CEP135: variants seen among roughly 807,000 people sequenced by gnomAD.
CEP135 encodes the protein centrosomal protein of 135 kDa.
In CEP135, 142 loss-of-function variants were observed where a neutral mutation model predicts 157.3. That is an observed-to-expected ratio of 0.90 (90% CI 0.79 to 1.04). The LOEUF (loss-of-function observed/expected upper bound fraction) is 1.04, where lower values mean the gene tolerates loss of function less well. Ranked by LOEUF, CEP135 falls within the 50% of genes least tolerant of loss-of-function variation. CEP135 has a pLI of 0.00. For synonymous variants in CEP135, 396 were observed against 439.8 expected, an observed-to-expected ratio of 0.90 and a Z score of 1.25; for missense variants, 1,317 against 1,309.2, an observed-to-expected ratio of 1.01 and a Z score of -0.09.
chr4:55,956,514 T>A (rs1386735040), intron 4 of CEP135, among the ~76,000 whole-genome samples: 1 of 152,166 alleles, frequency 6.6e-6, no homozygotes, highest in Non-Finnish European at 1.5e-5. Context: ...TCTTTTATGT[T>A]GATATTAGCT....
In CEP135 at chr4:56,027,817, G is replaced by A. The variant is rs1018397500; in HGVS notation, c.*11+3203G>A. 1.1e-4 allele frequency among the ~76,000 whole-genome samples: 16 copies of A among 151,960 alleles called. 1 individual carries two copies. Among genetic ancestry groups the A allele is most frequent in the Admixed American group, 8.5e-4 (13 of 15,236 alleles). ...CAATCCTCCCGCCTCAGCCTCCTGA[G>A]TAGCTGGGACTACAGGCACGCCACC... On this transcript the variant is annotated intron_variant, in intron 25 of 25. Coordinates refer to ENST00000257287, the MANE Select transcript of CEP135 (RefSeq NM_025009.5).
At chr4:55,981,963 G>A (rs1463734130) in intron 13 of CEP135, among the ~76,000 whole-genome samples, 1 of 152,058 alleles carries the variant, frequency 6.6e-6, no homozygotes, top group Non-Finnish European at 1.5e-5. Context: ...TTATACTGGG[G>A]TTACCTCCTG....
intron 5 of CEP135, among the ~76,000 whole-genome samples, chr4:55,957,979 C>G (rs2109645739): frequency 6.6e-6 from 1 of 152,262 alleles, no homozygotes; most frequent in East Asian, 1.9e-4. Flanking sequence ...TTATAAGAGG[C>G]TCAAAGGAAT....
At chr4:55,981,410 A>C in intron 13 of CEP135, 31 bp downstream of exon 13, 1 of 1,545,348 alleles carries the variant, frequency 6.5e-7, no homozygotes, top group Non-Finnish European at 8.7e-7. Context: ...TTGAAAGGTA[A>C]TTTGTTGAGA....
intron 6 of CEP135, among the ~76,000 whole-genome samples, chr4:55,962,294 G>A (rs1475766583): frequency 6.6e-6 from 1 of 152,208 alleles, no homozygotes; most frequent in Non-Finnish European, 1.5e-5. Context: ...TAGAGACAGG[G>A]TTTAACTGTG....
intron 8 of CEP135, among the ~76,000 whole-genome samples, chr4:55,968,609 C>T (rs771862975): frequency 2.1e-4 from 32 of 152,150 alleles, no homozygotes; most frequent in Non-Finnish European, 2.6e-4. Context: ...CTTCCCATGT[C>T]CCATTGCAAA....
chr4:55,977,158 G>C (rs552845509), intron 11 of CEP135, among the ~76,000 whole-genome samples: 1 of 152,102 alleles, frequency 6.6e-6, no homozygotes, highest in Non-Finnish European at 1.5e-5. Flanking sequence ...AGGAGCACTT[G>C]TTGGTAAACC....
chr4:55,965,558 A>G, intron 7 of CEP135, 86 bp from the exon 8 acceptor site: 1 of 844,588 alleles, frequency 1.2e-6, no homozygotes, highest in Non-Finnish European at 1.8e-6. Context: ...TTTTTAAAAT[A>G]TAGTTTTTTG....
chr4:56,009,931 A>T (rs762867146), intron 19 of CEP135, 28 bp downstream of exon 19: 5 of 1,586,462 alleles, frequency 3.2e-6, no homozygotes, highest in Non-Finnish European at 2.6e-6. Context: ...AAATTTTGAT[A>T]GTTTTATACT....
chr4:55,966,434 C>A, intron 8 of CEP135: 1 of 152,764 alleles, frequency 6.5e-6, no homozygotes, highest in Non-Finnish European at 1.5e-5. Flanking sequence ...TCAGGTGATC[C>A]ATCCACCTCA....
chr4:55,976,696 G>A (rs1407051325), intron 11 of CEP135, among the ~76,000 whole-genome samples: 1 of 152,192 alleles, frequency 6.6e-6, no homozygotes, highest in Non-Finnish European at 1.5e-5. Flanking sequence ...CAATAATAAA[G>A]TGCAGGCATG....
intron 19 of CEP135, among the ~76,000 whole-genome samples, 169 bp downstream of exon 19, chr4:56,010,072 G>C (rs1473100263): frequency 6.6e-6 from 1 of 152,072 alleles, no homozygotes; most frequent in Non-Finnish European, 1.5e-5. Flanking sequence ...AGCTTAGGCC[G>C]GGCGCAGTGG....
intron 13 of CEP135, among the ~76,000 whole-genome samples, chr4:55,984,650 C>T (rs913498518): frequency 2.0e-5 from 3 of 152,186 alleles, no homozygotes; most frequent in African/African-American, 7.2e-5. Context: ...GTAATCTGAA[C>T]ATCAGATGTG....
chr4:55,964,980 T>G (rs1464710934), intron 7 of CEP135: 1 of 152,036 alleles, frequency 6.6e-6, no homozygotes, highest in Non-Finnish European at 1.5e-5. Flanking sequence ...CTTTAGAAAT[T>G]TTGGTATGAC....
rs771032593 is a variant in CEP135 at position 55,980,153 on chromosome 4, A to G, written c.1484A>G (p.Asn495Ser). The G allele has an allele frequency of 4.4e-6, 7 of 1,608,730 alleles. No individual in the cohort carries two copies. The highest frequency in any genetic ancestry group is 5.9e-6 in the Non-Finnish European group (7 of 1,177,832). The change falls in exon 12 of 26, where the codon AAT becomes AGT. Residue 495 changes from asparagine (N) to serine (S), a missense_variant. Physicochemically the swap from Asn to Ser is conservative, Grantham distance 46. Coordinates refer to ENST00000257287, the MANE Select transcript of CEP135 (RefSeq NM_025009.5). The part of the protein sequence containing the change: ...IFRTPEKGDY[N>S]SEIHQITRER... Reference sequence around the variant, plus strand: ...TTAATTATGTTTCAGGGTGATTACAATTCAGAAATTCATCAGATCACAAGA... The same window carrying G: ...TTAATTATGTTTCAGGGTGATTACAGTTCAGAAATTCATCAGATCACAAGA...
chr4:56,024,673 G>C, intron 25 of CEP135, 59 bp downstream of exon 25: 1 of 1,172,384 alleles, frequency 8.5e-7, no homozygotes, highest in East Asian at 2.4e-5. Context: ...AATTCAGAAA[G>C]TAGTTTTCTG....
intron 17 of CEP135, among the ~76,000 whole-genome samples, chr4:56,002,820 T>A (rs1355929143): frequency 6.6e-6 from 1 of 152,178 alleles, no homozygotes; most frequent in African/African-American, 2.4e-5. Context: ...GTTCTTTAGA[T>A]GTTCAGTAGA....
intron 15 of CEP135, among the ~76,000 whole-genome samples, chr4:55,994,544 CAGAT>C (rs947982770): frequency 6.6e-6 from 1 of 152,128 alleles, no homozygotes; most frequent in African/African-American, 2.4e-5. Flanking sequence ...GAGACTGTCT[CAGAT>C]AGATAAGGCA....
intron 5 of CEP135, 82 bp downstream of exon 5, chr4:55,957,446 C>T (rs576589552): frequency 6.0e-6 from 8 of 1,327,656 alleles, no homozygotes; most frequent in Middle Eastern, 1.9e-4. Context: ...GGCTTTTTTT[C>T]TTGTTAACTG....
Sources: allele counts gnomAD v4.1 joint callset (sites outside exome capture counted in the v4.1 genomes callset), GRCh38; gene constraint gnomAD v4.1.1; transcripts MANE v1.5; gene names NCBI Gene and HGNC (gene_info 2026-07-23, HGNC 2026-07-21).